Variants in KIAA1549L observed in about 807,000 individuals in gnomAD.
KIAA1549L encodes the protein KIAA1549 like, also known as UPF0606 protein KIAA1549L.
In KIAA1549L, 88 loss-of-function variants were observed where a neutral mutation model predicts 160.7. The ratio of observed to expected loss-of-function variants is 0.55; its 90% confidence interval spans 0.46 to 0.65. KIAA1549L has a LOEUF of 0.65. Ranked by LOEUF, KIAA1549L falls within the 30% of genes least tolerant of loss-of-function variation. KIAA1549L has a pLI of 0.00. For missense variants in KIAA1549L, 2,258 were observed against 2,437.5 expected (o/e 0.93, Z 1.55); for synonymous variants, 950 against 976.7 (o/e 0.97, Z 0.51).
chr11:33,464,542 A>G (rs1202484540), intron 1 of KIAA1549L, among the ~76,000 whole-genome samples: 1 of 146,474 alleles, frequency 6.8e-6, no homozygotes, highest in Non-Finnish European at 1.5e-5. Flanking sequence ...CCACACACGC[A>G]TTTGTACAAG....
chr11:33,600,774 T>A (rs1010184970), intron 13 of KIAA1549L, among the ~76,000 whole-genome samples: 3 of 152,226 alleles, frequency 2.0e-5, no homozygotes, highest in Non-Finnish European at 4.4e-5. Context: ...TTTTATTAAA[T>A]GGAATCAGTG....
At chr11:33,473,652 C>T (rs1852228931) in intron 1 of KIAA1549L, among the ~76,000 whole-genome samples, 2 of 152,218 alleles carry the variant, frequency 1.3e-5, no homozygotes, top group Non-Finnish European at 2.9e-5. Flanking sequence ...AGGCTCTCCA[C>T]CATTTGGTCT....
intron 16 of KIAA1549L, among the ~76,000 whole-genome samples, chr11:33,629,655 TTC>T (rs1463225557): frequency 6.6e-6 from 1 of 151,672 alleles, no homozygotes; most frequent in Non-Finnish European, 1.5e-5. Flanking sequence ...CTTTAAGCAC[TTC>T]TCTGTATTGA....
intron 1 of KIAA1549L, among the ~76,000 whole-genome samples, chr11:33,416,140 C>G (rs938173179): frequency 3.9e-5 from 6 of 152,118 alleles, no homozygotes; most frequent in Admixed American, 1.3e-4. Context: ...GTGACCACCC[C>G]TGAGTTACGC....
chr11:33,434,053 T>G (rs1466531345), intron 1 of KIAA1549L, among the ~76,000 whole-genome samples: 2 of 151,798 alleles, frequency 1.3e-5, no homozygotes, highest in Non-Finnish European at 2.9e-5. Flanking sequence ...TCCTGCTTAT[T>G]TTTTTTAGAA....
Position 33,544,990 on chromosome 11 carries a change from A to T in KIAA1549L, c.2997A>T (p.Ala999=), listed in dbSNP as rs1443571476. The change falls in exon 3 of 21, where the codon GCA becomes GCT. Residue 999 remains alanine, a synonymous_variant. Transcript: ENST00000658780. Reference sequence around the variant, plus strand: ...CTGGCCCAAAGAGGACACCAGGGGCAGTCCATACAGCCTTCCCATTCACAC... The same window carrying T: ...CTGGCCCAAAGAGGACACCAGGGGCTGTCCATACAGCCTTCCCATTCACAC... ...AASGPKRTPG[A]VHTAFPFTPT... is the part of the protein sequence containing the mutation. The T allele has an allele frequency of 6.2e-7, 1 of 1,614,058 alleles. No homozygotes were observed. The highest frequency in any genetic ancestry group is 2.2e-5 in the East Asian group (1 of 44,876).
chr11:33,586,656 C>T (rs111887129), intron 11 of KIAA1549L, among the ~76,000 whole-genome samples: 3 of 152,060 alleles, frequency 2.0e-5, no homozygotes, highest in South Asian at 2.1e-4. Context: ...TTTGCATGAA[C>T]ATCTGCTTGG....
intron 1 of KIAA1549L, among the ~76,000 whole-genome samples, chr11:33,381,036 G>A (rs895620862): frequency 4.6e-5 from 7 of 151,760 alleles, no homozygotes; most frequent in Non-Finnish European, 8.8e-5. Flanking sequence ...GTTTTTGTTC[G>A]TTACCGTTAC....
At chr11:33,628,558 T>C (rs1244711655) in intron 16 of KIAA1549L, among the ~76,000 whole-genome samples, 1 of 147,928 alleles carries the variant, frequency 6.8e-6, no homozygotes, top group Non-Finnish European at 1.5e-5. Context: ...TTTGTCTCTT[T>C]TGATCTTTGT....
intron 12 of KIAA1549L, among the ~76,000 whole-genome samples, chr11:33,594,786 A>G (rs1413893765): frequency 5.3e-5 from 8 of 152,336 alleles, no homozygotes; most frequent in Admixed American, 4.6e-4. Context: ...CACGCACCCA[A>G]CATGAGAGAG....
At chr11:33,459,824 A>G (rs953325842) in intron 1 of KIAA1549L, among the ~76,000 whole-genome samples, 2 of 149,456 alleles carry the variant, frequency 1.3e-5, no homozygotes, top group Non-Finnish European at 3.0e-5. Context: ...AGCCGGGCGT[A>G]GTGGCGGGCG....
chr11:33,478,960 A>G (rs1852351468), intron 1 of KIAA1549L, among the ~76,000 whole-genome samples: 1 of 152,170 alleles, frequency 6.6e-6, no homozygotes, highest in African/African-American at 2.4e-5. Context: ...TCATTTTCAC[A>G]AATGAGGAAG....
At chr11:33,552,031 A>G in intron 5 of KIAA1549L, 77 bp from the exon 6 acceptor site, 1 of 1,529,466 alleles carries the variant, frequency 6.5e-7, no homozygotes, top group Non-Finnish European at 8.9e-7. Flanking sequence ...GTGCTGTTTT[A>G]TATTATGACC....
At chr11:33,651,905 CCCCTCCCCTCCCCCTCCCT>C (rs1387674977) in intron 17 of KIAA1549L, among the ~76,000 whole-genome samples, 1 of 72,108 alleles carries the variant, frequency 1.4e-5, no homozygotes, top group Admixed American at 1.4e-4. Flanking sequence ...CCCTTCCCCT[CCCCTCCCCTCCCCCTCCCT>C]CCCTCCCTTC....
chr11:33,408,727 G>A (rs544645908), intron 1 of KIAA1549L, among the ~76,000 whole-genome samples: 1 of 147,854 alleles, frequency 6.8e-6, no homozygotes, highest in East Asian at 2.0e-4. Flanking sequence ...CATGAGGCCC[G>A]GAGTCTGAGA....
At chr11:33,512,900 T>C (rs927420519) in intron 1 of KIAA1549L, among the ~76,000 whole-genome samples, 1 of 152,222 alleles carries the variant, frequency 6.6e-6, no homozygotes, top group Non-Finnish European at 1.5e-5. Context: ...TGTCAGATTC[T>C]AAGGCTCATG....
chr11:33,646,935 G>C (rs1851739320), intron 17 of KIAA1549L, among the ~76,000 whole-genome samples: 1 of 152,006 alleles, frequency 6.6e-6, no homozygotes, highest in Non-Finnish European at 1.5e-5. Context: ...CTGTTATTTA[G>C]GTTGACAGCC....
intron 16 of KIAA1549L, among the ~76,000 whole-genome samples, chr11:33,641,572 G>GTATATATATATA (rs10523183): frequency 1.0e-5 from 1 of 96,718 alleles, no homozygotes. Flanking sequence ...TAATGGATCT[G>GTATATATATATA]TATATATATA....
intron 14 of KIAA1549L, among the ~76,000 whole-genome samples, chr11:33,609,493 A>C (rs1228330865): frequency 3.9e-5 from 6 of 152,208 alleles, no homozygotes; most frequent in Non-Finnish European, 7.3e-5. Context: ...GCCTGAACAG[A>C]GACAGGACAG....
Sources: gnomAD v4.1 joint callset for allele counts (sites outside exome capture counted in the v4.1 genomes callset) on GRCh38, gnomAD v4.1.1 for gene constraint, MANE v1.5 for transcripts, NCBI Gene and HGNC (gene_info 2026-07-23, HGNC 2026-07-21) for gene names.